Variants in SIPA1L2 observed in about 807,000 individuals in gnomAD.
SIPA1L2 encodes signal induced proliferation associated 1 like 2.
In SIPA1L2, 56 loss-of-function variants were observed where a neutral mutation model predicts 163.9. The observed-to-expected ratio is 0.34, with a 90% confidence interval of 0.28 to 0.43. The LOEUF (loss-of-function observed/expected upper bound fraction) is 0.43, where lower values mean the gene tolerates loss of function less well. SIPA1L2 is among the 20% of genes least tolerant of loss of function. The pLI, the probability that SIPA1L2 is intolerant of heterozygous loss-of-function variation, is 1.00. For missense variants in SIPA1L2, 1,974 were observed against 2,193.5 expected (o/e 0.90, Z 2.00); for synonymous variants, 877 against 865.7 (o/e 1.01, Z -0.23).
At chr1:232,595,620 T>G (rs1661219897) in intron 1 of SIPA1L2, among the ~76,000 whole-genome samples, 1 of 152,200 alleles carries the variant, frequency 6.6e-6, no homozygotes. Flanking sequence ...TCATCTTTTG[T>G]GCTCCCCCAA....
chr1:232,435,302 T>A (rs528545700), intron 15 of SIPA1L2, among the ~76,000 whole-genome samples: 156 of 152,346 alleles, frequency 1.0e-3, no homozygotes, highest in African/African-American at 3.6e-3. Context: ...TTAGATTTCA[T>A]TAGAAATGTA....
At chr1:232,593,720 C>A (rs1490588955) in intron 1 of SIPA1L2, among the ~76,000 whole-genome samples, 1 of 152,084 alleles carries the variant, frequency 6.6e-6, no homozygotes, top group African/African-American at 2.4e-5. Flanking sequence ...CTCAGTAACA[C>A]ACACGCACAC....
chr1:232,527,928 TA>T (rs1667791868), intron 2 of SIPA1L2, among the ~76,000 whole-genome samples: 1 of 150,728 alleles, frequency 6.6e-6, no homozygotes, highest in Admixed American at 6.6e-5. Flanking sequence ...ATTTTCTTAT[TA>T]AAAATATGAT....
intron 3 of SIPA1L2, among the ~76,000 whole-genome samples, chr1:232,500,417 C>G (rs928199430): frequency 1.3e-5 from 2 of 152,144 alleles, no homozygotes; most frequent in African/African-American, 4.8e-5. Flanking sequence ...ATTCATCATT[C>G]CAGATGCCAT....
intron 2 of SIPA1L2, among the ~76,000 whole-genome samples, chr1:232,547,815 C>T (rs1658132523): frequency 6.6e-6 from 1 of 152,126 alleles, no homozygotes; most frequent in Non-Finnish European, 1.5e-5. Flanking sequence ...ATTTCCAAAT[C>T]CCTCAAGCTT....
chr1:232,522,432 G>A (rs1399865441), intron 2 of SIPA1L2, among the ~76,000 whole-genome samples: 4 of 151,036 alleles, frequency 2.6e-5, no homozygotes, highest in Non-Finnish European at 2.9e-5. Flanking sequence ...CTCAGTTCAC[G>A]TATCATGTTT....
chr1:232,501,825 G>A (rs1438399375), intron 3 of SIPA1L2, among the ~76,000 whole-genome samples: 2 of 152,104 alleles, frequency 1.3e-5, no homozygotes, highest in African/African-American at 4.8e-5. Context: ...CCCTCTTCCC[G>A]TGACCACCCA....
chr1:232,607,813 T>A (rs1269997789), intron 1 of SIPA1L2, among the ~76,000 whole-genome samples: 1 of 150,586 alleles, frequency 6.6e-6, no homozygotes, highest in Admixed American at 6.6e-5. Context: ...CCCAGCACTT[T>A]GGGAGGCAGA....
chr1:232,435,031 C>T (rs1662471517), intron 15 of SIPA1L2, among the ~76,000 whole-genome samples: 1 of 152,108 alleles, frequency 6.6e-6, no homozygotes, highest in South Asian at 2.1e-4. Flanking sequence ...CCATCAAGAA[C>T]CTGATGAAGG....
intron 11 of SIPA1L2, among the ~76,000 whole-genome samples, chr1:232,444,070 G>A (rs1663064162): frequency 6.6e-6 from 1 of 152,148 alleles, no homozygotes; most frequent in South Asian, 2.1e-4. Flanking sequence ...TCACGTTTTA[G>A]TTCTATACTT....
intron 2 of SIPA1L2, among the ~76,000 whole-genome samples, chr1:232,525,696 T>C (rs1667673365): frequency 6.6e-6 from 1 of 152,210 alleles, no homozygotes; most frequent in Non-Finnish European, 1.5e-5. Context: ...GAGACATGAC[T>C]GGGACCCTCA....
intron 2 of SIPA1L2, among the ~76,000 whole-genome samples, chr1:232,530,843 T>G (rs1474691149): frequency 1.3e-5 from 2 of 152,258 alleles, no homozygotes; most frequent in East Asian, 3.9e-4. Context: ...CTCTAAAATC[T>G]CCGTTTTCCC....
chr1:232,441,627 T>C (rs1662901902), intron 13 of SIPA1L2, 141 bp downstream of exon 13: 1 of 784,708 alleles, frequency 1.3e-6, no homozygotes, highest in South Asian at 1.7e-5. Flanking sequence ...CCCTCCTGCA[T>C]CTGGAGACCC....
intron 10 of SIPA1L2, among the ~76,000 whole-genome samples, chr1:232,451,783 G>C (rs1663594541): frequency 6.6e-6 from 1 of 151,994 alleles, no homozygotes; most frequent in African/African-American, 2.4e-5. Flanking sequence ...TAGGCATATT[G>C]ATTTCCTCTT....
chr1:232,578,762 A>T (rs539582735), intron 1 of SIPA1L2, among the ~76,000 whole-genome samples: 1 of 152,310 alleles, frequency 6.6e-6, no homozygotes, highest in South Asian at 2.1e-4. Context: ...GTAAACAATT[A>T]ATGTTCCACT....
chr1:232,509,073 C>G (rs1666865027), intron 3 of SIPA1L2, among the ~76,000 whole-genome samples: 1 of 152,228 alleles, frequency 6.6e-6, no homozygotes, highest in African/African-American at 2.4e-5. Flanking sequence ...GCCTGGGCAA[C>G]AGAGCGAGAC....
chr1:232,583,437 A>G (rs552435230), intron 1 of SIPA1L2, among the ~76,000 whole-genome samples: 2 of 152,336 alleles, frequency 1.3e-5, no homozygotes, highest in Non-Finnish European at 2.9e-5. Flanking sequence ...TGTAGCTTAT[A>G]TTAGTTATCT....
At chr1:232,497,589 C>T (rs1198955272) in intron 3 of SIPA1L2, among the ~76,000 whole-genome samples, 6 of 152,218 alleles carry the variant, frequency 3.9e-5, no homozygotes, top group Non-Finnish European at 8.8e-5. Context: ...ATTCAACTAT[C>T]TTCCAGGTCT....
At position 232,515,019 on chromosome 1, in the gene SIPA1L2, A is replaced by G. The variant is rs751085681; in HGVS notation, c.321T>C (p.Tyr107=). Residue 107 remains tyrosine (Y), a synonymous_variant, in exon 3 of 23, where the codon TAT becomes TAC. Transcript: ENST00000674635. ...ALWESRSQTS[Y]ESITSVLQNG... ...TCTGCAGGACAGAAGTGATGCTTTC[A>G]TAACTGGTCTGAGACCGGCTTTCCC... is the stretch of plus-strand genomic sequence containing the variant. 86 of 1,614,034 alleles carry G rather than the reference A, an allele frequency of 5.3e-5. No individual in the cohort carries two copies. Among genetic ancestry groups the G allele is most frequent in the Non-Finnish European group, 5.9e-5 (70 of 1,180,036 alleles).
Sources: allele counts gnomAD v4.1 joint callset (sites outside exome capture counted in the v4.1 genomes callset), GRCh38; gene constraint gnomAD v4.1.1; transcripts MANE v1.5; gene names NCBI Gene and HGNC (gene_info 2026-07-23, HGNC 2026-07-21).